Variants in L1TD1 observed in about 807,000 individuals in gnomAD.
L1TD1 encodes the protein LINE1 type transposase domain containing 1.
Under a neutral mutation model 25.7 loss-of-function variants are expected in L1TD1, and 26 were observed. The ratio of observed to expected loss-of-function variants is 1.01; its 90% CI spans 0.74 to 1.40. The LOEUF is 1.40. Among genes scored for constraint, L1TD1 ranks in the 40% most tolerant of loss-of-function variants. L1TD1 has a pLI of 0.00. For synonymous variants in L1TD1, 421 were observed against 335.6 expected (o/e 1.25, Z -2.78); for missense variants, 1,130 against 975.0 (o/e 1.16, Z -2.12).
chr1:62,211,395 A>T lies in L1TD1; in HGVS notation c.*23A>T. 1 of 1,543,776 alleles carries T rather than the reference A, an allele frequency of 6.5e-7. No individual in the cohort carries two copies. Among genetic ancestry groups the T allele is most frequent in the Non-Finnish European group, 8.7e-7 (1 of 1,149,390 alleles). On this transcript the variant is annotated 3_prime_UTR_variant, in exon 4 of 4. Coordinates refer to ENST00000498273, the MANE Select transcript of L1TD1 (RefSeq NM_019079.5). ...TAGCACGCCAGGGTGACTACAAACA[A>T]TATGCTTTCCTCCCCCAGCATGCAT...
chr1:62,205,437 A>ATTTTTTTTT (rs1169759217), intron 2 of L1TD1, among the ~76,000 whole-genome samples: 19 of 42,430 alleles, frequency 4.5e-4, no homozygotes, highest in African/African-American at 6.5e-4. Context: ...ATATATATAT[A>ATTTTTTTTT]TATATATTTT....
intron 2 of L1TD1, among the ~76,000 whole-genome samples, chr1:62,201,365 C>CT (rs1282021551): frequency 6.6e-6 from 1 of 151,806 alleles, no homozygotes; most frequent in Non-Finnish European, 1.5e-5. Context: ...AAGTAGAAGT[C>CT]TATTTCACCA....
At chr1:62,196,085 A>T (rs1557438471) in intron 1 of L1TD1, among the ~76,000 whole-genome samples, 4 of 152,136 alleles carry the variant, frequency 2.6e-5, no homozygotes, top group Admixed American at 2.0e-4. Flanking sequence ...ATTGATTTGG[A>T]AGTAATAACT....
chr1:62,195,465 A>T (rs1288419906), intron 1 of L1TD1, among the ~76,000 whole-genome samples: 1 of 152,252 alleles, frequency 6.6e-6, no homozygotes, highest in Non-Finnish European at 1.5e-5. Context: ...TAGAAAAAGG[A>T]TGGAGGGGCC....
chr1:62,198,170 A>T (rs1250803169), intron 2 of L1TD1, among the ~76,000 whole-genome samples: 1 of 152,152 alleles, frequency 6.6e-6, no homozygotes, highest in Non-Finnish European at 1.5e-5. Flanking sequence ...CCATGCACCC[A>T]TAAAAACCAG....
chr1:62,209,713 A>G (rs7516863), intron 3 of L1TD1, 70 bp from the exon 4 acceptor site: 113,770 of 1,244,752 alleles, frequency 0.091, 6,291 homozygotes, highest in South Asian at 0.19. Flanking sequence ...TGAAATTGAA[A>G]TTTTAATTCT....
intron 2 of L1TD1, among the ~76,000 whole-genome samples, chr1:62,199,564 T>G (rs1201594336): frequency 6.6e-6 from 1 of 151,630 alleles, no homozygotes; most frequent in Non-Finnish European, 1.5e-5. Flanking sequence ...CGTGCCCGGC[T>G]GTAATTTTCA....
At chr1:62,197,864 G>A (rs1670572863) in intron 2 of L1TD1, among the ~76,000 whole-genome samples, 1 of 151,250 alleles carries the variant, frequency 6.6e-6, no homozygotes, top group African/African-American at 2.4e-5. Flanking sequence ...GCGACAGTGA[G>A]ACTCTGTCTC....
At chr1:62,197,405 A>G (rs1670564373) in intron 2 of L1TD1, among the ~76,000 whole-genome samples, 2 of 13,580 alleles carry the variant, frequency 1.5e-4, no homozygotes, top group South Asian at 3.6e-3. Flanking sequence ...AATTATATAT[A>G]TATATATATA....
In L1TD1 at chr1:62,206,746, G is replaced by A. The variant is rs761951393; in HGVS notation, c.118G>A (p.Val40Ile). The A allele has an allele frequency of 1.9e-6, 3 of 1,552,554 alleles. No individual in the cohort carries two copies. The highest frequency in any genetic ancestry group is 2.6e-6 in the Non-Finnish European group (3 of 1,147,304). Residue 40 changes from valine to isoleucine, a missense_variant, in exon 3 of 4, where the codon GTA becomes ATA. By Grantham distance (29) the Val-to-Ile change is conservative. Coordinates refer to ENST00000498273, the MANE Select transcript of L1TD1 (RefSeq NM_019079.5). ...LTETDKDIAP[V>I]LDLKCKDVSA... The stretch of plus-strand genomic sequence containing the variant: ...AGAAACTGATAAGGACATAGCTCCG[G>A]TATTAGATTTAAAATGCAAGGACGT...
Position 62,210,545 on chromosome 1 carries a change from G to A in L1TD1, c.1771G>A (p.Glu591Lys). ...TGVTKLKKTE[E>K]KKHRTLHTEE... ...AGTCACCAAACTTAAGAAAACAGAA[G>A]AAAAGAAACACAGAACTCTGCACAC... Residue 591 changes from glutamate (E) to lysine (K), a missense_variant, in exon 4 of 4, where the codon GAA becomes AAA. Physicochemically the swap from Glu to Lys is moderately conservative, Grantham distance 56. Coordinates refer to ENST00000498273, the MANE Select transcript of L1TD1 (RefSeq NM_019079.5). The A allele has an allele frequency of 1.9e-6, 3 of 1,612,566 alleles. No individual in the cohort carries two copies. Among genetic ancestry groups the A allele is most frequent in the Non-Finnish European group, 2.5e-6 (3 of 1,179,646 alleles).
chr1:62,209,809 T>C lies in L1TD1; in HGVS notation c.1035T>C (p.His345=), dbSNP rs778481383. ...KRDKTLIDSK[H]RAGEITSDGL... ...ATAAAACCCTAATAGACTCAAAGCATAGAGCTGGAGAAATAACCAGTGATG... is the reference window on the plus strand; with the variant it reads ...ATAAAACCCTAATAGACTCAAAGCACAGAGCTGGAGAAATAACCAGTGATG... Residue 345 remains histidine, a synonymous_variant, in exon 4 of 4, where the codon CAT becomes CAC. Coordinates refer to ENST00000498273, the MANE Select transcript of L1TD1 (RefSeq NM_019079.5). 2 of 1,603,796 alleles carry C rather than the reference T, an allele frequency of 1.2e-6. No individual in the cohort carries two copies. Among genetic ancestry groups the C allele is most frequent in the African/African-American group, 1.3e-5 (1 of 74,330 alleles).
rs557548299 is a variant in L1TD1 at position 62,195,451 on chromosome 1, G to C, written c.-205+530G>C. ...ATGAGGTGGTGCTTGACAAGTCCTA[G>C]CTTTAGAAAAAGGATGGAGGGGCCG... On this transcript the variant is annotated intron_variant, in intron 1 of 3. Coordinates refer to ENST00000498273, the MANE Select transcript of L1TD1 (RefSeq NM_019079.5). Among the ~76,000 whole-genome samples, 4 of 152,368 alleles carry C rather than the reference G, an allele frequency of 2.6e-5. No individual in the cohort carries two copies. In the South Asian group the frequency reaches 6.2e-4, roughly 24 times the overall value.
intron 2 of L1TD1, among the ~76,000 whole-genome samples, chr1:62,204,154 C>T (rs542990115): frequency 1.4e-4 from 22 of 152,080 alleles, no homozygotes; most frequent in South Asian, 4.1e-4. Flanking sequence ...TAGTTGTGTC[C>T]CCTTGTTATT....
chr1:62,206,899 A>G lies in L1TD1; in HGVS notation c.271A>G (p.Lys91Glu). The G allele has an allele frequency of 6.2e-7, 1 of 1,613,868 alleles. No homozygotes were observed. The highest frequency in any genetic ancestry group is 8.5e-7 in the Non-Finnish European group (1 of 1,179,930). Residue 91 changes from lysine to glutamate, a missense_variant, in exon 3 of 4, where the codon AAG (lysine) becomes GAG (glutamate). Lys to Glu is a moderately conservative substitution (Grantham distance 56). Coordinates refer to ENST00000498273, the MANE Select transcript of L1TD1 (RefSeq NM_019079.5). ...GGGAAAAGCTACAATACCTGAGGTA[A>G]AGAATTCAGAGAACTCCAGTAGTAG... ...LGGKATIPEV[K>E]NSENSSSRTE...
intron 1 of L1TD1, among the ~76,000 whole-genome samples, chr1:62,195,763 A>G (rs1416570982): frequency 6.8e-6 from 1 of 147,662 alleles, no homozygotes; most frequent in Non-Finnish European, 1.5e-5. Context: ...ATAAAAAAAG[A>G]TGGAGGGCCG....
intron 2 of L1TD1, among the ~76,000 whole-genome samples, chr1:62,203,263 A>G (rs1458529474): frequency 1.3e-5 from 2 of 152,130 alleles, no homozygotes; most frequent in East Asian, 1.9e-4. Context: ...TCTTGTTACA[A>G]ACATTCCAAT....
In L1TD1 at chr1:62,206,518, G is replaced by T; in HGVS notation, c.-110-1G>T. 1.8e-6 allele frequency: 2 copies of T among 1,095,304 alleles called. No individual in the cohort carries two copies. Among genetic ancestry groups the T allele is most frequent in the Non-Finnish European group, 2.4e-6 (2 of 822,040 alleles). The allele number at this position is 1,095,304 out of a possible 1,614,324, so 67.8% of individuals were successfully genotyped here. On this transcript the variant is annotated splice_acceptor_variant, in intron 2 of 3. Transcript: ENST00000498273. LOFTEE classifies it low-confidence loss of function (5UTR_SPLICE). ...TAATTTTTCATTTTTTTGTATTTCA[G>T]ATTGACGTATTTTAAGATTTTTTTA... is the stretch of plus-strand genomic sequence containing the variant.
chr1:62,209,688 C>G (rs912875588), intron 3 of L1TD1, 95 bp from the exon 4 acceptor site: 40 of 1,030,116 alleles, frequency 3.9e-5, no homozygotes, highest in Non-Finnish European at 5.3e-5. Flanking sequence ...AGAATTGAAG[C>G]CATATTAAAA....
Sources: allele counts gnomAD v4.1 joint callset (sites outside exome capture counted in the v4.1 genomes callset), GRCh38; gene constraint gnomAD v4.1.1; transcripts MANE v1.5; gene names NCBI Gene and HGNC (gene_info 2026-07-23, HGNC 2026-07-21).